Variants in CRYBB1 observed in about 807,000 individuals in gnomAD.
The protein encoded by CRYBB1 is beta-crystallin B1.
Under a neutral mutation model 29.5 loss-of-function variants are expected in CRYBB1, and 16 were observed. The observed-to-expected ratio is 0.54, with a 90% CI of 0.37 to 0.82. The LOEUF is 0.82. Among genes scored for constraint, CRYBB1 ranks in the 40% least tolerant of loss-of-function variants. The pLI is 0.00. For synonymous variants in CRYBB1, 127 were observed against 136.7 expected (o/e 0.93, Z 0.49); for missense variants, 300 against 350.5 (o/e 0.86, Z 1.15).
At position 26,612,097 on chromosome 22, in the gene CRYBB1, G is replaced by C. The variant is rs374800624; in HGVS notation, c.274C>G (p.Arg92Gly). The C allele has an allele frequency of 2.5e-6, 4 of 1,613,306 alleles. No individual in the cohort carries two copies. The highest frequency in any genetic ancestry group is 2.7e-5 in the African/African-American group (2 of 74,848). Residue 92 changes from arginine to glycine, a missense_variant, in exon 3 of 6, where the codon CGC (arginine) becomes GGC (glycine). Arg to Gly is a moderately radical substitution (Grantham distance 125). Coordinates refer to ENST00000647684, the MANE Select transcript of CRYBB1 (RefSeq NM_001887.4). ...GGTCCCGCGGAGACAATGATGCTGC[G>C]CACACGGTCGAAGCCACGGTCTGCC... Reference protein sequence around the residue: ...NLADRGFDRVRSIIVSAGPWV... With the variant: ...NLADRGFDRVGSIIVSAGPWV...
intron 4 of CRYBB1, among the ~76,000 whole-genome samples, chr22:26,603,497 TC>T (rs1026227990): frequency 1.4e-3 from 212 of 151,622 alleles, no homozygotes; most frequent in African/African-American, 4.8e-3. Context: ...ACCACTGCAC[TC>T]CAGCCTGGGC....
chr22:26,608,156 G>T, intron 3 of CRYBB1, 135 bp from the exon 4 acceptor site: 2 of 1,296,610 alleles, frequency 1.5e-6, no homozygotes, highest in Non-Finnish European at 2.2e-6. Context: ...GGCTGAACAT[G>T]TCTGGGTTTG....
chr22:26,607,753 C>A, intron 4 of CRYBB1, 136 bp downstream of exon 4: 1 of 1,159,438 alleles, frequency 8.6e-7, no homozygotes, highest in Non-Finnish European at 1.3e-6. Flanking sequence ...CAAGAATCCA[C>A]GGTCCTTTGA....
chr22:26,612,225 T>G, intron 2 of CRYBB1, 35 bp from the exon 3 acceptor site: 1 of 1,441,142 alleles, frequency 6.9e-7, no homozygotes, highest in Non-Finnish European at 9.8e-7. Flanking sequence ...AAGGGCAGAG[T>G]GAGGGGGGAG....
intron 3 of CRYBB1, among the ~76,000 whole-genome samples, chr22:26,609,032 A>G (rs1048232516): frequency 4.6e-5 from 7 of 152,182 alleles, no homozygotes; most frequent in African/African-American, 1.7e-4. Context: ...TAGATAAGAC[A>G]ATCCCCATTC....
At chr22:26,613,694 A>C (rs963845127) in intron 2 of CRYBB1, among the ~76,000 whole-genome samples, 4 of 152,168 alleles carry the variant, frequency 2.6e-5, no homozygotes, top group African/African-American at 9.7e-5. Context: ...TAACTGCACA[A>C]ATTGTACAGC....
intron 2 of CRYBB1, among the ~76,000 whole-genome samples, 168 bp from the exon 3 acceptor site, chr22:26,612,358 T>A (rs1381973972): frequency 6.6e-6 from 1 of 152,176 alleles, no homozygotes; most frequent in Non-Finnish European, 1.5e-5. Context: ...TTACTGATTT[T>A]TGTTTTTTGT....
intron 3 of CRYBB1, among the ~76,000 whole-genome samples, chr22:26,610,565 G>A (rs1279351418): frequency 2.0e-5 from 3 of 152,200 alleles, no homozygotes; most frequent in Non-Finnish European, 4.4e-5. Context: ...GGGTTTTGGG[G>A]CTGAGGGTGG....
intron 1 of CRYBB1, among the ~76,000 whole-genome samples, chr22:26,617,605 T>C (rs922831778): frequency 2.6e-5 from 4 of 151,988 alleles, no homozygotes; most frequent in Non-Finnish European, 4.4e-5. Flanking sequence ...ACCCTCTCCC[T>C]CTGTTCCTCC....
chr22:26,599,858 G>C (rs551848386), intron 5 of CRYBB1, among the ~76,000 whole-genome samples, 185 bp from the exon 6 acceptor site: 1 of 152,164 alleles, frequency 6.6e-6, no homozygotes, highest in East Asian at 1.9e-4. Context: ...GATAGGCCTC[G>C]GTTTCCTTTT....
At chr22:26,605,713 C>G (rs1430106941) in intron 4 of CRYBB1, among the ~76,000 whole-genome samples, 1 of 141,736 alleles carries the variant, frequency 7.1e-6, no homozygotes, top group Non-Finnish European at 1.5e-5. Context: ...AACAGGCCAA[C>G]CAAAATGTCT....
At chr22:26,604,497 G>C (rs142915689) in intron 4 of CRYBB1, among the ~76,000 whole-genome samples, 24 of 152,312 alleles carry the variant, frequency 1.6e-4, no homozygotes, top group African/African-American at 5.5e-4. Context: ...AGAAAGAACT[G>C]GTTAATTCTT....
chr22:26,600,424 T>C (rs1928786524), intron 5 of CRYBB1, among the ~76,000 whole-genome samples: 1 of 152,090 alleles, frequency 6.6e-6, no homozygotes, highest in South Asian at 2.1e-4. Flanking sequence ...ATTGGTTTTC[T>C]TTGTAGGTAA....
chr22:26,608,035 G>A lies in CRYBB1; in HGVS notation c.300-14C>T. On this transcript the variant is annotated splice_polypyrimidine_tract_variant and intron_variant, in intron 3 of 5. Coordinates refer to ENST00000647684, the MANE Select transcript of CRYBB1 (RefSeq NM_001887.4). ...AAGGCGACCCAGCTGGATACAAGAA[G>A]GACCATGAGGCAGACAGGAGACATA... 1 of 1,614,118 alleles carries A rather than the reference G, an allele frequency of 6.2e-7. No homozygotes were observed. Among genetic ancestry groups the A allele is most frequent in the Non-Finnish European group, 8.5e-7 (1 of 1,180,044 alleles).
chr22:26,607,493 G>C (rs1297906170), intron 4 of CRYBB1, among the ~76,000 whole-genome samples: 3 of 150,802 alleles, frequency 2.0e-5, no homozygotes, highest in Non-Finnish European at 2.9e-5. Context: ...GGAGTTCAAG[G>C]CTGCAGTGAG....
Position 26,599,626 on chromosome 22 carries a change from A to C in CRYBB1, c.623T>G (p.Leu208Arg). 6.2e-7 allele frequency: 1 copy of C among 1,614,160 alleles called. No homozygotes were observed. The highest frequency in any genetic ancestry group is 1.1e-5 in the South Asian group (1 of 91,084). Residue 208 changes from leucine to arginine, a missense_variant, in exon 6 of 6, where the codon CTA becomes CGA. Coordinates refer to ENST00000647684, the MANE Select transcript of CRYBB1 (RefSeq NM_001887.4). The stretch of plus-strand genomic sequence containing the variant: ...CCAGTGCCGGAAGTCACCAGGCTCT[A>C]GGAGGTACTGGTACCCGCGGTAGCC... ...YPGYRGYQYL[L>R]EPGDFRHWNE...
At chr22:26,605,365 C>T (rs533466788) in intron 4 of CRYBB1, among the ~76,000 whole-genome samples, 5 of 152,254 alleles carry the variant, frequency 3.3e-5, no homozygotes, top group Admixed American at 3.3e-4. Flanking sequence ...GAGCCTAGAA[C>T]CAGAGCCTGG....
At chr22:26,603,138 AAAAAAAC>A (rs1569204273) in intron 4 of CRYBB1, among the ~76,000 whole-genome samples, 1 of 148,848 alleles carries the variant, frequency 6.7e-6, no homozygotes, top group Non-Finnish European at 1.5e-5. Flanking sequence ...AAAAAAAAAA[AAAAAAAC>A]AAAAAACAAA....
At chr22:26,609,893 C>T (rs1192529478) in intron 3 of CRYBB1, among the ~76,000 whole-genome samples, 1 of 152,080 alleles carries the variant, frequency 6.6e-6, no homozygotes, top group Non-Finnish European at 1.5e-5. Context: ...GTTGCATCTA[C>T]CTTGTTGGGA....
Sources: allele counts gnomAD v4.1 joint callset (sites outside exome capture counted in the v4.1 genomes callset), GRCh38; gene constraint gnomAD v4.1.1; transcripts MANE v1.5; gene names NCBI Gene and HGNC (gene_info 2026-07-23, HGNC 2026-07-21).